Variants in NIT1 observed in about 807,000 individuals in gnomAD.
The protein encoded by NIT1 is deaminated glutathione amidase.
Under a neutral mutation model 36.8 loss-of-function variants are expected in NIT1, and 30 were observed. The ratio of observed to expected loss-of-function variants is 0.82; its 90% confidence interval spans 0.61 to 1.11. The LOEUF is 1.11. Among genes scored for constraint, NIT1 ranks in the 50% least tolerant of loss-of-function variants. NIT1 has a pLI of 0.00. For synonymous variants in NIT1, 151 were observed against 155.6 expected, an observed-to-expected ratio of 0.97 and a Z score of 0.22; for missense variants, 438 against 410.6, an observed-to-expected ratio of 1.07 and a Z score of -0.58.
At chr1:161,123,576 C>G (rs1253609428), downstream of NIT1, among the ~76,000 whole-genome samples, 2 of 147,478 alleles carry the variant, frequency 1.4e-5, no homozygotes, top group Admixed American at 1.4e-4. Flanking sequence ...GTGGGGCTTG[C>G]AGTGAACCGA....
At chr1:161,122,658 C>CAGG (rs565091262), downstream of NIT1, 135 of 1,164,286 alleles carry the variant, frequency 1.2e-4, 4 homozygotes, top group South Asian at 1.4e-3. The surrounding 1 kb of genome is among the most constrained non-coding windows in gnomAD (Gnocchi z 4.2). Context: ...ACCTCTTCCC[C>CAGG]AGGACTATTT....
At chr1:161,123,197 C>T (rs1203903878), downstream of NIT1, 5 of 1,614,142 alleles carry the variant, frequency 3.1e-6, no homozygotes, top group Non-Finnish European at 4.2e-6. Flanking sequence ...AGTGGGGCAA[C>T]ACACCACAGG....
chr1:161,124,239 C>T (rs1462057364), downstream of NIT1: 4 of 1,614,104 alleles, frequency 2.5e-6, no homozygotes, highest in African/African-American at 1.3e-5. Flanking sequence ...ATCACAGCGG[C>T]CCTGGCGCTC....
intron 6 of NIT1, 80 bp from the exon 7 acceptor site, chr1:161,120,419 A>G (rs1376690406): frequency 2.6e-6 from 4 of 1,509,930 alleles, no homozygotes; most frequent in Middle Eastern, 1.8e-4. Context: ...CAATGGGTAG[A>G]TTGGTCTGTA....
chr1:161,125,427 CAT>C (rs1191301195), downstream of NIT1: 2 of 152,124 alleles, frequency 1.3e-5, no homozygotes, highest in African/African-American at 4.8e-5. Flanking sequence ...TTAAAATAAA[CAT>C]TAAGTTTCTA....
At chr1:161,123,982 C>A, downstream of NIT1, 1 of 1,608,124 alleles carries the variant, frequency 6.2e-7, no homozygotes, top group Admixed American at 1.7e-5. Context: ...GGAAAATATA[C>A]ACCCTTCCCT....
At position 161,120,135 on chromosome 1, in the gene NIT1, G is replaced by A. The variant is rs200236741; in HGVS notation, c.620G>A (p.Arg207Gln). The change falls in exon 6 of 7, where the codon CGG becomes CAG. Residue 207 changes from arginine to glutamine, a missense_variant. Transcript: ENST00000368009. ...GGTCTAGCTGTCTGCTATGACATGC[G>A]GTTCCCTGAACTCTCTCTGGCATTG... ...KIGLAVCYDM[R>Q]FPELSLALAQ... 8.1e-6 allele frequency: 13 copies of A among 1,614,004 alleles called. No homozygotes were observed. Among genetic ancestry groups the A allele is most frequent in the African/African-American group, 2.7e-5 (2 of 74,900 alleles).
intron 2 of NIT1, 57 bp downstream of exon 2, chr1:161,118,938 T>C: frequency 2.1e-6 from 3 of 1,430,772 alleles, no homozygotes; most frequent in Non-Finnish European, 3.0e-6. Flanking sequence ...GTTTGTTAAA[T>C]GGATAGTGGG....
Position 161,119,958 on chromosome 1 carries a change from A to C in NIT1, c.591+6A>C, listed in dbSNP as rs916718975. On this transcript the variant is annotated splice_donor_region_variant and intron_variant, in intron 5 of 6. Coordinates refer to ENST00000368009, the MANE Select transcript of NIT1 (RefSeq NM_005600.3). ...TCAGCACACCAGCAGGCAAGGTAGG[A>C]GTTGTGAAAGGATGAGGGAGGGGAA... The C allele has an allele frequency of 5.6e-6, 9 of 1,606,848 alleles. No homozygotes were observed. The highest frequency in any genetic ancestry group is 7.6e-6 in the Non-Finnish European group (9 of 1,176,622).
chr1:161,118,714 G>A (rs1655088225), intron 1 of NIT1, 72 bp from the exon 2 acceptor site: 1 of 1,469,602 alleles, frequency 6.8e-7, no homozygotes, highest in Non-Finnish European at 9.5e-7. Context: ...AGTATAAAGA[G>A]AGAAGTCAGA....
downstream of NIT1, chr1:161,122,921 G>A: frequency 7.0e-7 from 1 of 1,418,992 alleles, no homozygotes; most frequent in Admixed American, 1.7e-5. The surrounding 1 kb of genome is among the most constrained non-coding windows in gnomAD (Gnocchi z 4.2). Context: ...ATAAAGAGCA[G>A]TTCTTCCACC....
chr1:161,123,517 TCC>T, downstream of NIT1, among the ~76,000 whole-genome samples: 1 of 151,584 alleles, frequency 6.6e-6, no homozygotes, highest in Non-Finnish European at 1.5e-5. Flanking sequence ...GCGCCTGTAG[TCC>T]CAGCTACTCA....
chr1:161,118,285 A>T lies in NIT1; in HGVS notation c.2+107A>T, dbSNP rs918376255. ...GGGAGAGGCGGGGAGGGACGGGCCAACTGGAGCGGGCGGCGGGAGGGTGGA... is the reference window on the plus strand; with the variant it reads ...GGGAGAGGCGGGGAGGGACGGGCCATCTGGAGCGGGCGGCGGGAGGGTGGA... On this transcript the variant is annotated intron_variant, in intron 1 of 6. Coordinates refer to ENST00000368009, the MANE Select transcript of NIT1 (RefSeq NM_005600.3). 7 of 1,595,630 alleles carry T rather than the reference A, an allele frequency of 4.4e-6. No individual in the cohort carries two copies. The African/African-American group carries it at 9.4e-5, about 21-fold the overall frequency.
chr1:161,121,936 T>G (rs1655539868), downstream of NIT1: 1 of 582,058 alleles, frequency 1.7e-6, no homozygotes, highest in Non-Finnish European at 2.9e-6. Flanking sequence ...ACGGGGTAAA[T>G]GGAAAAGGGA....
intron 1 of NIT1, 79 bp downstream of exon 1, chr1:161,118,257 T>C: frequency 1.2e-6 from 2 of 1,612,358 alleles, no homozygotes; most frequent in East Asian, 2.2e-5. Flanking sequence ...AGATGCTGCC[T>C]CTGGGAGAGG....
chr1:161,124,471 C>T (rs758120977), downstream of NIT1: 18 of 1,593,272 alleles, frequency 1.1e-5, no homozygotes, highest in Admixed American at 8.4e-5. Flanking sequence ...ATGCTGGGGG[C>T]TCAGGTACGC....
At chr1:161,122,378 G>A, downstream of NIT1, 1 of 1,614,196 alleles carries the variant, frequency 6.2e-7, no homozygotes. The surrounding 1 kb of genome is among the most constrained non-coding windows in gnomAD (Gnocchi z 4.2). Flanking sequence ...AGATGATGGA[G>A]CCCAGGTCCC....
intron 4 of NIT1, 47 bp downstream of exon 4, chr1:161,119,659 C>A (rs760057832): frequency 6.3e-7 from 1 of 1,576,662 alleles, no homozygotes; most frequent in Non-Finnish European, 8.7e-7. Flanking sequence ...TGCTCTTCTA[C>A]CTAGATTCTC....
downstream of NIT1, chr1:161,124,205 C>G (rs529411793): frequency 6.2e-7 from 1 of 1,614,234 alleles, no homozygotes; most frequent in African/African-American, 1.3e-5. Flanking sequence ...GCAGCAGCTG[C>G]AGCACCTGGC....
Sources: gnomAD v4.1 joint callset for allele counts (sites outside exome capture counted in the v4.1 genomes callset) on GRCh38, gnomAD v4.1.1 for gene constraint, Gnocchi (gnomAD v3.1) non-coding constraint, MANE v1.5 for transcripts, NCBI Gene and HGNC (gene_info 2026-07-23, HGNC 2026-07-21) for gene names.